Variants in PALS2 observed in about 807,000 individuals in gnomAD.
PALS2 encodes protein PALS2.
Under a neutral mutation model 61.6 loss-of-function variants are expected in PALS2, and 27 were observed. That is an observed-to-expected ratio of 0.44 (90% CI 0.32 to 0.60). PALS2 has a LOEUF of 0.60. Among genes scored for constraint, PALS2 ranks in the 20% least tolerant of loss-of-function variants. PALS2 has a pLI of 0.05. For synonymous variants in PALS2, 236 were observed against 218.6 expected, an observed-to-expected ratio of 1.08 and a Z score of -0.70; for missense variants, 554 against 639.4, an observed-to-expected ratio of 0.87 and a Z score of 1.44.
chr7:24,654,660 G>A (rs1786325119), intron 5 of PALS2, among the ~76,000 whole-genome samples: 1 of 152,116 alleles, frequency 6.6e-6, no homozygotes, highest in Non-Finnish European at 1.5e-5. Context: ...TGAAGATGTT[G>A]ATTTTTCACT....
At chr7:24,684,533 A>C (rs1788098926) in intron 11 of PALS2, among the ~76,000 whole-genome samples, 1 of 152,210 alleles carries the variant, frequency 6.6e-6, no homozygotes, top group Admixed American at 6.5e-5. Context: ...CCAGACCTGG[A>C]ACCAGCCATC....
intron 1 of PALS2, among the ~76,000 whole-genome samples, chr7:24,591,593 A>G (rs147708546): frequency 6.6e-6 from 1 of 152,252 alleles, no homozygotes; most frequent in African/African-American, 2.4e-5. Flanking sequence ...TAGACATGTA[A>G]ATTAAAATAG....
chr7:24,639,079 A>T (rs1785384165), intron 2 of PALS2, among the ~76,000 whole-genome samples: 1 of 152,212 alleles, frequency 6.6e-6, no homozygotes, highest in Admixed American at 6.5e-5. Context: ...ATACGGTGTA[A>T]TGGAATTAAC....
At chr7:24,653,085 T>C (rs1390693249) in intron 5 of PALS2, among the ~76,000 whole-genome samples, 4 of 152,124 alleles carry the variant, frequency 2.6e-5, no homozygotes, top group Non-Finnish European at 5.9e-5. Context: ...CCTGGACAAC[T>C]AGAAACAATA....
chr7:24,663,595 T>C lies in PALS2; in HGVS notation c.657T>C (p.Phe219=). 1 of 1,590,322 alleles carries C rather than the reference T, an allele frequency of 6.3e-7. No homozygotes were observed. Among genetic ancestry groups the C allele is most frequent in the Admixed American group, 1.7e-5 (1 of 58,054 alleles). Residue 219 remains phenylalanine (F), a synonymous_variant, in exon 6 of 12, where the codon TTT becomes TTC. Transcript: ENST00000222644. The stretch of plus-strand genomic sequence containing the variant: ...AATTGTGCTATGTGTTTTAGGTATT[T>C]GTGAAGTGTCATTTTGATTATAATC... ...YRDTITPQQV[F]VKCHFDYNPY...
intron 2 of PALS2, among the ~76,000 whole-genome samples, chr7:24,636,160 C>T (rs537015961): frequency 2.1e-4 from 31 of 146,894 alleles, no homozygotes; most frequent in Middle Eastern, 3.6e-3. Flanking sequence ...TGCAGTGAGC[C>T]GAGATCACAT....
rs1037962219 is a variant in PALS2 at position 24,689,638 on chromosome 7, C to T, written c.*2024C>T. ...ATTTCATGGCCAGAACACAAATTCA[C>T]GTTTCTTGTCCTAGGACAGGGAATT... is the stretch of plus-strand genomic sequence containing the variant. On this transcript the variant is annotated 3_prime_UTR_variant, in exon 12 of 12. Coordinates refer to ENST00000222644, the MANE Select transcript of PALS2 (RefSeq NM_001303037.2). 6.1e-5 allele frequency: 9 copies of T among 146,856 alleles called. No homozygotes were observed. The highest frequency in any genetic ancestry group is 1.5e-4 in the African/African-American group (6 of 39,406). The allele number at this position is 146,856 out of a possible 1,614,324, so 9.1% of individuals were successfully genotyped here.
At chr7:24,635,457 T>G (rs1470598300) in intron 2 of PALS2, among the ~76,000 whole-genome samples, 2 of 152,208 alleles carry the variant, frequency 1.3e-5, no homozygotes, top group African/African-American at 4.8e-5. Flanking sequence ...TTTAGTGAAC[T>G]CCTTAGGATT....
At chr7:24,620,798 T>C (rs1784471193) in intron 1 of PALS2, among the ~76,000 whole-genome samples, 2 of 152,136 alleles carry the variant, frequency 1.3e-5, no homozygotes, top group Admixed American at 6.5e-5. Flanking sequence ...TACATTGAAA[T>C]AGGATTTCTG....
intron 1 of PALS2, among the ~76,000 whole-genome samples, chr7:24,621,406 G>C (rs73077840): frequency 0.019 from 2,918 of 152,184 alleles, 75 homozygotes; most frequent in Admixed American, 0.026. Flanking sequence ...AATGTGAGAA[G>C]CTTGTTGGAA....
chr7:24,676,757 C>T (rs1326056923), intron 9 of PALS2, among the ~76,000 whole-genome samples: 2 of 151,084 alleles, frequency 1.3e-5, no homozygotes, highest in Non-Finnish European at 2.9e-5. Flanking sequence ...GTACCAGTCC[C>T]ATGCTGTTTT....
intron 1 of PALS2, among the ~76,000 whole-genome samples, chr7:24,614,029 A>T (rs1784205728): frequency 6.6e-6 from 1 of 151,952 alleles, no homozygotes; most frequent in Non-Finnish European, 1.5e-5. Flanking sequence ...ACTATTATGA[A>T]TAGTGCTGCA....
chr7:24,681,354 C>A (rs914116131), intron 11 of PALS2, among the ~76,000 whole-genome samples: 1 of 152,110 alleles, frequency 6.6e-6, no homozygotes, highest in Non-Finnish European at 1.5e-5. Context: ...CCCACTTCCT[C>A]CTCACCTTGA....
chr7:24,608,960 T>A (rs1784021780), intron 1 of PALS2, among the ~76,000 whole-genome samples: 1 of 152,168 alleles, frequency 6.6e-6, no homozygotes, highest in Admixed American at 6.6e-5. Flanking sequence ...GGAACTTTCT[T>A]ATTTTTTGGT....
chr7:24,667,054 A>G (rs1787055728), intron 8 of PALS2: 1 of 152,170 alleles, frequency 6.6e-6, no homozygotes, highest in Non-Finnish European at 1.5e-5. Context: ...TTCTCTTAAT[A>G]TTGGTTTAAT....
intron 1 of PALS2, among the ~76,000 whole-genome samples, chr7:24,584,648 C>G (rs899931170): frequency 6.6e-6 from 1 of 151,812 alleles, no homozygotes; most frequent in African/African-American, 2.4e-5. Flanking sequence ...TTTTGCTGTG[C>G]AGAAGCTCTT....
At chr7:24,667,657 A>ATTTTTTT (rs11284911) in intron 8 of PALS2, among the ~76,000 whole-genome samples, 4 of 98,646 alleles carry the variant, frequency 4.1e-5, no homozygotes, top group Non-Finnish European at 5.8e-5. Flanking sequence ...GATTAGATAA[A>ATTTTTTT]TTTTTTTTTT....
At chr7:24,653,809 G>A (rs1786281217) in intron 5 of PALS2, among the ~76,000 whole-genome samples, 1 of 152,190 alleles carries the variant, frequency 6.6e-6, no homozygotes, top group Admixed American at 6.5e-5. Flanking sequence ...GACATCTCTA[G>A]CAGCGAACAC....
intron 1 of PALS2, 54 bp from the exon 2 acceptor site, chr7:24,623,612 G>A: frequency 1.8e-6 from 2 of 1,091,180 alleles, no homozygotes; most frequent in Non-Finnish European, 2.6e-6. Context: ...GAAATTTAAG[G>A]GTTTTTGTTT....
Sources: allele counts gnomAD v4.1 joint callset (sites outside exome capture counted in the v4.1 genomes callset), GRCh38; gene constraint gnomAD v4.1.1; transcripts MANE v1.5; gene names NCBI Gene and HGNC (gene_info 2026-07-23, HGNC 2026-07-21).